The following SLC9A9 variants were observed in gnomAD, a reference collection of about 807,000 sequenced individuals.
SLC9A9 encodes sodium/hydrogen exchanger 9.
In SLC9A9, 62 loss-of-function variants were observed where a neutral mutation model predicts 77.8. The ratio of observed to expected loss-of-function variants is 0.80; its 90% CI spans 0.65 to 0.98. The LOEUF is 0.98. Ranked by LOEUF, SLC9A9 falls within the 50% of genes least tolerant of loss-of-function variation. The pLI, the probability that SLC9A9 is intolerant of heterozygous loss-of-function variation, is 0.00. For missense variants in SLC9A9, 775 were observed against 774.9 expected (o/e 1.00, Z 0.00); for synonymous variants, 320 against 283.5 (o/e 1.13, Z -1.29).
intron 11 of SLC9A9, among the ~76,000 whole-genome samples, chr3:143,479,880 C>A (rs894889876): frequency 6.6e-6 from 1 of 152,160 alleles, no homozygotes; most frequent in Non-Finnish European, 1.5e-5. Context: ...AGATTGAGTC[C>A]TATCTCTATG....
intron 12 of SLC9A9, among the ~76,000 whole-genome samples, chr3:143,415,528 GC>G (rs2034176736): frequency 1.3e-5 from 2 of 152,138 alleles, no homozygotes; most frequent in South Asian, 2.1e-4. Flanking sequence ...GAACAACAAA[GC>G]CTGATGATGC....
chr3:143,814,840 G>A (rs1377237065), intron 2 of SLC9A9, among the ~76,000 whole-genome samples: 1 of 152,148 alleles, frequency 6.6e-6, no homozygotes, highest in Non-Finnish European at 1.5e-5. Flanking sequence ...TAATTAGGAA[G>A]TGGTTTTTGA....
chr3:143,778,735 C>A (rs1470522088), intron 4 of SLC9A9, among the ~76,000 whole-genome samples: 1 of 152,004 alleles, frequency 6.6e-6, no homozygotes, highest in Non-Finnish European at 1.5e-5. Context: ...AAGAGGAAAA[C>A]CAATTTCCTT....
intron 14 of SLC9A9, among the ~76,000 whole-genome samples, chr3:143,354,760 T>TTTTC (rs1298756583): frequency 6.6e-6 from 1 of 152,242 alleles, no homozygotes; most frequent in East Asian, 1.9e-4. Flanking sequence ...TCCTATCATC[T>TTTTC]TTTCTTTCTC....
chr3:143,795,204 C>G, intron 3 of SLC9A9, 127 bp from the exon 4 acceptor site: 2 of 601,108 alleles, frequency 3.3e-6, no homozygotes, highest in Non-Finnish European at 5.8e-6. Flanking sequence ...TTTGGAGCCT[C>G]GTTCCTGGCC....
rs113681222 is a variant in SLC9A9 at position 143,616,026 on chromosome 3, G to A, written c.755+36229C>T. On this transcript the variant is annotated intron_variant, in intron 6 of 15. Transcript: ENST00000316549. ...CTCCCAAGTAGTTGGGACTACAGGC[G>A]CCCACCACCACGCCCAGCTAATTTT... 6.7e-3 allele frequency among the ~76,000 whole-genome samples: 1,021 copies of A among 151,860 alleles called. 13 individuals carry two copies. The highest frequency in any genetic ancestry group is 0.022 in the African/African-American group (915 of 41,406).
intron 14 of SLC9A9, among the ~76,000 whole-genome samples, chr3:143,271,974 G>A (rs1464104727): frequency 3.3e-5 from 5 of 152,282 alleles, no homozygotes; most frequent in East Asian, 1.9e-4. Flanking sequence ...ATTCAGGGGT[G>A]TATGAGAGAT....
intron 5 of SLC9A9, among the ~76,000 whole-genome samples, chr3:143,681,156 T>C (rs1467137735): frequency 4.6e-5 from 7 of 152,214 alleles, no homozygotes; most frequent in Non-Finnish European, 1.0e-4. Flanking sequence ...GCCTGCACTA[T>C]TCTTTGTAGT....
At chr3:143,692,082 T>C (rs1368788800) in intron 5 of SLC9A9, among the ~76,000 whole-genome samples, 2 of 152,040 alleles carry the variant, frequency 1.3e-5, no homozygotes, top group African/African-American at 2.4e-5. Context: ...ACTCTAACCA[T>C]CAGTTTATAA....
intron 12 of SLC9A9, among the ~76,000 whole-genome samples, chr3:143,399,262 T>C (rs1305969332): frequency 6.6e-6 from 1 of 152,162 alleles, no homozygotes; most frequent in Non-Finnish European, 1.5e-5. Flanking sequence ...GAAAATAATT[T>C]TAGTTTCTTG....
chr3:143,292,952 C>T (rs1054825413), intron 14 of SLC9A9, among the ~76,000 whole-genome samples: 1 of 152,162 alleles, frequency 6.6e-6, no homozygotes, highest in Admixed American at 6.5e-5. Context: ...ACACTAATTA[C>T]ACTAAGGCTC....
chr3:143,667,409 A>T (rs1355612805), intron 5 of SLC9A9, among the ~76,000 whole-genome samples: 3 of 152,372 alleles, frequency 2.0e-5, no homozygotes, highest in African/African-American at 7.2e-5. Flanking sequence ...ACCATTCAGG[A>T]CATAGGCATG....
At chr3:143,516,982 T>A (rs2036211913) in intron 9 of SLC9A9, 1 of 628,264 alleles carries the variant, frequency 1.6e-6, no homozygotes, top group Admixed American at 2.7e-5. Flanking sequence ...TCATTTTAAT[T>A]TGTAGTCCCT....
At chr3:143,683,770 A>G (rs556829583) in intron 5 of SLC9A9, among the ~76,000 whole-genome samples, 171 of 152,248 alleles carry the variant, frequency 1.1e-3, no homozygotes, top group Admixed American at 2.8e-3. Flanking sequence ...TGTTTTATTC[A>G]AAGCAAAATT....
At chr3:143,291,873 A>C (rs2029996436) in intron 14 of SLC9A9, among the ~76,000 whole-genome samples, 1 of 152,264 alleles carries the variant, frequency 6.6e-6, no homozygotes, top group Admixed American at 6.5e-5. Context: ...GAGCAAAGTC[A>C]GGAAATGCCA....
intron 6 of SLC9A9, among the ~76,000 whole-genome samples, chr3:143,596,458 GAAGTTTT>G (rs1174413381): frequency 6.6e-6 from 1 of 152,070 alleles, no homozygotes; most frequent in African/African-American, 2.4e-5. Context: ...TAGCCTTTTT[GAAGTTTT>G]ATTATTTCCA....
At chr3:143,468,843 A>T (rs1485647725) in intron 11 of SLC9A9, among the ~76,000 whole-genome samples, 2 of 152,122 alleles carry the variant, frequency 1.3e-5, no homozygotes, top group Non-Finnish European at 2.9e-5. Context: ...TTATGAATCC[A>T]TATTAAATAT....
chr3:143,671,546 G>A (rs929032662), intron 5 of SLC9A9, among the ~76,000 whole-genome samples: 3 of 152,130 alleles, frequency 2.0e-5, no homozygotes, highest in Admixed American at 6.6e-5. Context: ...TGAGCTCTTT[G>A]AAAGAGTCAA....
intron 4 of SLC9A9, among the ~76,000 whole-genome samples, chr3:143,697,006 G>A (rs912180463): frequency 2.6e-5 from 4 of 151,784 alleles, no homozygotes; most frequent in Non-Finnish European, 5.9e-5. Flanking sequence ...CAAAAGATGT[G>A]AATTTAGATC....
Sources: gnomAD v4.1 joint callset for allele counts (sites outside exome capture counted in the v4.1 genomes callset) on GRCh38, gnomAD v4.1.1 for gene constraint, MANE v1.5 for transcripts, NCBI Gene and HGNC (gene_info 2026-07-23, HGNC 2026-07-21) for gene names.